Variants in SMARCAD1 observed in about 807,000 individuals in gnomAD.
SMARCAD1 encodes the protein SWI/SNF-related matrix-associated actin-dependent regulator of chromatin subfamily A containing DEAD/H box 1.
In SMARCAD1, 25 loss-of-function variants were observed where a neutral mutation model predicts 127.1. The observed-to-expected ratio is 0.20, with a 90% CI of 0.14 to 0.27. The LOEUF (loss-of-function observed/expected upper bound fraction) is 0.27, where lower values mean the gene tolerates loss of function less well. SMARCAD1 is among the 10% of genes least tolerant of loss of function. The pLI is 1.00. For missense variants in SMARCAD1, 807 were observed against 1,206.0 expected (o/e 0.67, Z 4.90); for synonymous variants, 400 against 396.9 (o/e 1.01, Z -0.09).
At chr4:94,220,551 A>G (rs992140912) in intron 2 of SMARCAD1, among the ~76,000 whole-genome samples, 2 of 152,132 alleles carry the variant, frequency 1.3e-5, no homozygotes, top group African/African-American at 4.8e-5. Context: ...TCCAGCCCTC[A>G]TCAGTTTTCA....
intron 22 of SMARCAD1, among the ~76,000 whole-genome samples, chr4:94,283,826 A>C (rs952249323): frequency 3.3e-5 from 5 of 152,088 alleles, no homozygotes; most frequent in African/African-American, 1.2e-4. Context: ...ACTCCATCTC[A>C]AAACAAACAA....
chr4:94,210,929 CAAAA>C (rs747690168), intron 2 of SMARCAD1, among the ~76,000 whole-genome samples: 13 of 57,050 alleles, frequency 2.3e-4, no homozygotes, highest in South Asian at 1.9e-3. Flanking sequence ...GACTGTATCT[CAAAA>C]AAAAAAAAAA....
chr4:94,231,611 G>A (rs1458965942), intron 3 of SMARCAD1, among the ~76,000 whole-genome samples: 2 of 152,064 alleles, frequency 1.3e-5, no homozygotes, highest in Non-Finnish European at 2.9e-5. Context: ...TTAAATTACG[G>A]ACATCCCAGC....
chr4:94,275,051 G>C (rs555891769), intron 14 of SMARCAD1, 86 bp downstream of exon 14: 270 of 928,224 alleles, frequency 2.9e-4, no homozygotes, highest in Non-Finnish European at 4.5e-4. Flanking sequence ...ATGTAGGAAA[G>C]TTTATGCTGT....
chr4:94,272,896 T>A (rs1418442833), intron 11 of SMARCAD1, among the ~76,000 whole-genome samples: 1 of 152,120 alleles, frequency 6.6e-6, no homozygotes, highest in African/African-American at 2.4e-5. Flanking sequence ...AGCCTCGACC[T>A]CTTGAGCTTA....
intron 2 of SMARCAD1, 106 bp from the exon 3 acceptor site, chr4:94,226,013 T>C (rs1744927183): frequency 1.0e-6 from 1 of 979,866 alleles, no homozygotes; most frequent in Non-Finnish European, 1.5e-6. Context: ...GATTTTTAGA[T>C]TGGAAACAAT....
At chr4:94,278,229 A>G (rs1261140876) in intron 16 of SMARCAD1, among the ~76,000 whole-genome samples, 193 bp from the exon 17 acceptor site, 1 of 152,188 alleles carries the variant, frequency 6.6e-6, no homozygotes, top group Non-Finnish European at 1.5e-5. Flanking sequence ...TAAAACTTCA[A>G]AATACATATG....
chr4:94,253,295 A>C, intron 9 of SMARCAD1: 2 of 1,394,378 alleles, frequency 1.4e-6, no homozygotes, highest in Non-Finnish European at 9.5e-7. Flanking sequence ...CTGCAGAAGA[A>C]GAAATTAGAG....
At chr4:94,210,888 C>G (rs536885957) in intron 2 of SMARCAD1, among the ~76,000 whole-genome samples, 4 of 127,524 alleles carry the variant, frequency 3.1e-5, no homozygotes, top group South Asian at 5.5e-4. Flanking sequence ...GAGCCTAGAT[C>G]ACACCACTGC....
intron 16 of SMARCAD1, among the ~76,000 whole-genome samples, chr4:94,278,055 A>G (rs1394952037): frequency 6.6e-6 from 1 of 152,142 alleles, no homozygotes; most frequent in Non-Finnish European, 1.5e-5. Flanking sequence ...CAAAGAAATA[A>G]AGGATTTTCT....
intron 21 of SMARCAD1, among the ~76,000 whole-genome samples, chr4:94,282,163 G>C (rs1345304714): frequency 1.5e-3 from 90 of 60,650 alleles, no homozygotes; most frequent in Non-Finnish European, 2.2e-3. Context: ...GCAGTGGCGC[G>C]ATCTCGGCTC....
chr4:94,252,096 C>T (rs543689119), intron 8 of SMARCAD1, among the ~76,000 whole-genome samples: 43 of 152,202 alleles, frequency 2.8e-4, no homozygotes, highest in African/African-American at 5.5e-4. Context: ...GTGATCTGCC[C>T]GCGTCGGCCT....
At chr4:94,244,289 GTGCTACAGTTTCCTACAAACAA>G in intron 6 of SMARCAD1, among the ~76,000 whole-genome samples, 1 of 152,316 alleles carries the variant, frequency 6.6e-6, no homozygotes, top group East Asian at 1.9e-4. Flanking sequence ...ATTTCAAACA[GTGCTACAGTTTCCTACAAACAA>G]TGCTACAGTT....
intron 23 of SMARCAD1, among the ~76,000 whole-genome samples, chr4:94,287,045 T>C (rs1755040205): frequency 6.6e-6 from 1 of 152,226 alleles, no homozygotes; most frequent in Non-Finnish European, 1.5e-5. Context: ...TTTGTATTTT[T>C]AGTAGAGACG....
At chr4:94,276,083 C>CTGT (rs1753262754) in intron 14 of SMARCAD1, among the ~76,000 whole-genome samples, 2 of 152,056 alleles carry the variant, frequency 1.3e-5, no homozygotes, top group Non-Finnish European at 2.9e-5. Flanking sequence ...AGGTGTGAGC[C>CTGT]ACCGCTCCCA....
At chr4:94,253,070 A>T in intron 9 of SMARCAD1, 63 bp downstream of exon 9, 1 of 1,600,670 alleles carries the variant, frequency 6.2e-7, no homozygotes, top group African/African-American at 1.3e-5. Context: ...AGTACCGGTT[A>T]TAGTCAAGTT....
chr4:94,273,244 T>G (rs1752800926), intron 11 of SMARCAD1, among the ~76,000 whole-genome samples: 1 of 152,240 alleles, frequency 6.6e-6, no homozygotes, highest in African/African-American at 2.4e-5. Flanking sequence ...TAGGCATATG[T>G]TTCCTCCATT....
intron 2 of SMARCAD1, among the ~76,000 whole-genome samples, chr4:94,212,110 A>G (rs1334418321): frequency 6.6e-6 from 1 of 152,180 alleles, no homozygotes; most frequent in Non-Finnish European, 1.5e-5. Flanking sequence ...CAATAAGTGC[A>G]TTGAAGTAAA....
chr4:94,283,783 A>G (rs1457417175), intron 22 of SMARCAD1, among the ~76,000 whole-genome samples: 6 of 152,000 alleles, frequency 3.9e-5, no homozygotes, highest in Non-Finnish European at 8.8e-5. Flanking sequence ...CGAGATCACC[A>G]CCACTGCACT....
Sources: allele counts gnomAD v4.1 joint callset (sites outside exome capture counted in the v4.1 genomes callset), GRCh38; gene constraint gnomAD v4.1.1; transcripts MANE v1.5; gene names NCBI Gene and HGNC (gene_info 2026-07-23, HGNC 2026-07-21).